The following CDH13 variants were observed in gnomAD, a reference collection of about 807,000 sequenced individuals.
CDH13 encodes the protein cadherin-13.
A neutral mutation model predicts 63.8 loss-of-function variants in CDH13; 24 were observed. That is an observed-to-expected ratio of 0.38 (90% confidence interval 0.27 to 0.53). CDH13 has a LOEUF of 0.53. CDH13 is among the 20% of genes least tolerant of loss of function. The pLI, the probability that CDH13 is intolerant of heterozygous loss-of-function variation, is 0.85. For synonymous variants in CDH13, 503 were observed against 355.3 expected, an observed-to-expected ratio of 1.42 and a Z score of -4.67; for missense variants, 1,049 against 903.1, an observed-to-expected ratio of 1.16 and a Z score of -2.07.
At chr16:83,302,508 A>G (rs1165860837) in intron 5 of CDH13, among the ~76,000 whole-genome samples, 3 of 152,224 alleles carry the variant, frequency 2.0e-5, no homozygotes, top group African/African-American at 4.8e-5. Context: ...TAGAAAATAA[A>G]TATCATGAAA....
chr16:82,744,454 C>G (rs900965097), intron 1 of CDH13, among the ~76,000 whole-genome samples: 1 of 151,844 alleles, frequency 6.6e-6, no homozygotes, highest in African/African-American at 2.4e-5. Context: ...TTTTGAAAAC[C>G]AGGAGAGGAT....
chr16:82,875,619 C>T (rs1234944759), intron 2 of CDH13, among the ~76,000 whole-genome samples: 1 of 151,958 alleles, frequency 6.6e-6, no homozygotes, highest in Non-Finnish European at 1.5e-5. Flanking sequence ...AGAAAAATGT[C>T]AAATATAGTT....
At chr16:83,384,877 G>C (rs758826496) in intron 6 of CDH13, among the ~76,000 whole-genome samples, 3 of 152,176 alleles carry the variant, frequency 2.0e-5, no homozygotes, top group African/African-American at 7.2e-5. Flanking sequence ...ATGAGTTGTC[G>C]TGTGTAACAT....
intron 10 of CDH13, among the ~76,000 whole-genome samples, chr16:83,729,783 G>A (rs762611047): frequency 6.6e-6 from 1 of 152,216 alleles, no homozygotes; most frequent in Admixed American, 6.5e-5. Context: ...TCATCATCAT[G>A]ATCATAATTA....
intron 7 of CDH13, among the ~76,000 whole-genome samples, chr16:83,495,816 A>T (rs2074126819): frequency 6.6e-6 from 1 of 152,162 alleles, no homozygotes; most frequent in Admixed American, 6.5e-5. Flanking sequence ...AAGTGAAGAA[A>T]AAAGGTCAGA....
rs1909069698 is a variant in CDH13 at position 83,613,911 on chromosome 16, A to G, written c.1101+11317A>G. 2.0e-5 allele frequency among the ~76,000 whole-genome samples: 3 copies of G among 152,160 alleles called. No homozygotes were observed. In the South Asian group the frequency reaches 6.2e-4, roughly 31 times the overall value. ...TGTAATTTCAAATTCTTTTTTGAAT[A>G]AAATTATCAGCTGAAATTCTACATT... On this transcript the variant is annotated intron_variant, in intron 8 of 13. Coordinates refer to ENST00000567109, the MANE Select transcript of CDH13 (RefSeq NM_001257.5).
In CDH13 at chr16:82,833,376, G is replaced by T. The variant is rs529574290; in HGVS notation, c.46-24986G>T. ...TTATGGAAAAGAAAGTGCCTCTGTG[G>T]AAGTTGCATAGATAGTAAATTGTGG... On this transcript the variant is annotated intron_variant, in intron 1 of 13. Transcript: ENST00000567109. Among the ~76,000 whole-genome samples, 4 of 152,302 alleles carry T rather than the reference G, an allele frequency of 2.6e-5. No individual in the cohort carries two copies. In the South Asian group the frequency reaches 8.3e-4, roughly 32 times the overall value.
At chr16:82,932,240 C>A (rs558910324) in intron 2 of CDH13, among the ~76,000 whole-genome samples, 45 of 152,242 alleles carry the variant, frequency 3.0e-4, no homozygotes, top group South Asian at 1.5e-3. Flanking sequence ...CCAACATTGA[C>A]ACACACTTAT....
At chr16:83,171,876 G>T (rs995377173) in intron 4 of CDH13, among the ~76,000 whole-genome samples, 15 of 152,090 alleles carry the variant, frequency 9.9e-5, no homozygotes, top group African/African-American at 3.6e-4. Flanking sequence ...ATTTTATAAT[G>T]CTATCAACTT....
chr16:83,397,847 C>G (rs2091910809), intron 6 of CDH13: 2 of 152,110 alleles, frequency 1.3e-5, no homozygotes, highest in Non-Finnish European at 2.9e-5. Context: ...ATTCATAGAG[C>G]TAAAGAAACA....
intron 13 of CDH13, among the ~76,000 whole-genome samples, chr16:83,783,833 G>A (rs1156950204): frequency 6.6e-6 from 1 of 152,192 alleles, no homozygotes; most frequent in Non-Finnish European, 1.5e-5. Flanking sequence ...ACATTATGCA[G>A]AATAATCTTT....
intron 7 of CDH13, among the ~76,000 whole-genome samples, chr16:83,552,245 A>C (rs1285447122): frequency 1.3e-5 from 2 of 152,102 alleles, no homozygotes; most frequent in Non-Finnish European, 2.9e-5. Flanking sequence ...GGTCCTGGGG[A>C]TTCTTTGTGC....
chr16:83,667,443 C>T (rs1437278447), intron 8 of CDH13, among the ~76,000 whole-genome samples: 1 of 150,872 alleles, frequency 6.6e-6, no homozygotes, highest in African/African-American at 2.4e-5. Flanking sequence ...ACCCACCCAT[C>T]CATCCACCCA....
intron 1 of CDH13, among the ~76,000 whole-genome samples, chr16:82,640,360 T>C (rs1909246613): frequency 1.3e-5 from 2 of 152,220 alleles, no homozygotes; most frequent in African/African-American, 4.8e-5. Context: ...TCTCTACTTT[T>C]TGTTTGTGTT....
At chr16:83,588,966 C>T (rs1257213278) in intron 7 of CDH13, among the ~76,000 whole-genome samples, 26 of 152,138 alleles carry the variant, frequency 1.7e-4, no homozygotes, top group Admixed American at 1.7e-3. Context: ...TTTCCTGTGG[C>T]TTCCATAACA....
intron 3 of CDH13, among the ~76,000 whole-genome samples, chr16:83,115,282 C>T (rs557927844): frequency 6.6e-6 from 1 of 152,308 alleles, no homozygotes; most frequent in South Asian, 2.1e-4. Flanking sequence ...GTTCTGCCAG[C>T]AAGTCGTTGA....
At chr16:83,128,510 T>G (rs138425178) in intron 4 of CDH13, among the ~76,000 whole-genome samples, 15 of 152,362 alleles carry the variant, frequency 9.8e-5, no homozygotes, top group African/African-American at 3.1e-4. Flanking sequence ...TACTTTCAGT[T>G]GCAATTCCAT....
chr16:83,533,489 G>A (rs1248295688), intron 7 of CDH13, among the ~76,000 whole-genome samples: 3 of 152,114 alleles, frequency 2.0e-5, no homozygotes, highest in African/African-American at 7.2e-5. Context: ...GAGTTGGCAG[G>A]TTTCTCAGCT....
chr16:83,456,342 C>T (rs772177721), intron 6 of CDH13, among the ~76,000 whole-genome samples: 20 of 152,106 alleles, frequency 1.3e-4, no homozygotes, highest in Non-Finnish European at 1.2e-4. Flanking sequence ...CACAGTGAGG[C>T]CCCGTCTTAG....
Sources: gnomAD v4.1 joint callset for allele counts (sites outside exome capture counted in the v4.1 genomes callset) on GRCh38, gnomAD v4.1.1 for gene constraint, MANE v1.5 for transcripts, NCBI Gene and HGNC (gene_info 2026-07-23, HGNC 2026-07-21) for gene names.